The following CLYBL variants were observed in gnomAD, a reference collection of about 807,000 sequenced individuals.
The protein encoded by CLYBL is citramalyl-CoA lyase, mitochondrial.
In CLYBL, 31 loss-of-function variants were observed where a neutral mutation model predicts 38.9. The observed-to-expected ratio is 0.80, with a 90% CI of 0.60 to 1.08. The LOEUF is 1.08. Among genes scored for constraint, CLYBL ranks in the 50% least tolerant of loss-of-function variants. The pLI, the probability that CLYBL is intolerant of heterozygous loss-of-function variation, is 0.00. For synonymous variants in CLYBL, 171 were observed against 158.6 expected, an observed-to-expected ratio of 1.08 and a Z score of -0.59; for missense variants, 434 against 411.6, an observed-to-expected ratio of 1.05 and a Z score of -0.47.
At chr13:99,665,660 G>A (rs1196042077) in intron 1 of CLYBL, among the ~76,000 whole-genome samples, 4 of 151,728 alleles carry the variant, frequency 2.6e-5, no homozygotes, top group African/African-American at 9.7e-5. Context: ...GAATTTCACT[G>A]GAGACACTCT....
Position 99,847,407 on chromosome 13 carries a change from A to G in CLYBL, c.250-11454A>G, listed in dbSNP as rs146957993. 5.8e-3 allele frequency among the ~76,000 whole-genome samples: 880 copies of G among 152,300 alleles called. 10 individuals are homozygous for G. The highest frequency in any genetic ancestry group is 0.02 in the African/African-American group (828 of 41,560). On this transcript the variant is annotated intron_variant, in intron 2 of 8. Transcript: ENST00000339105. ...GACCCAGCAGGAGGCTTTTAAACCA[A>G]AACAGTTAATTACCTCCTCTAACCC...
chr13:99,638,346 C>T (rs1017633135), intron 1 of CLYBL, among the ~76,000 whole-genome samples: 1 of 152,224 alleles, frequency 6.6e-6, no homozygotes, highest in Non-Finnish European at 1.5e-5. Context: ...TTTACTAATT[C>T]AGATGGGCTT....
chr13:99,762,406 C>G (rs1210473608), intron 1 of CLYBL, among the ~76,000 whole-genome samples: 1 of 152,160 alleles, frequency 6.6e-6, no homozygotes, highest in Admixed American at 6.5e-5. Context: ...TTTCCCAGCA[C>G]CACTGAAGAG....
At chr13:99,657,090 A>G (rs899228943) in intron 1 of CLYBL, among the ~76,000 whole-genome samples, 5 of 152,238 alleles carry the variant, frequency 3.3e-5, no homozygotes, top group Admixed American at 6.5e-5. Flanking sequence ...CTGATGGTAC[A>G]TGCAGACGTG....
chr13:99,728,579 T>TC, intron 1 of CLYBL, among the ~76,000 whole-genome samples: 1 of 151,888 alleles, frequency 6.6e-6, no homozygotes, highest in East Asian at 1.9e-4. Flanking sequence ...TCTTTTTTTT[T>TC]TTTTCTTTTT....
At position 99,643,746 on chromosome 13, in the gene CLYBL, G is replaced by A. The variant is rs1210401548; in HGVS notation, c.62+36989G>A. On this transcript the variant is annotated intron_variant, in intron 1 of 8. Coordinates refer to ENST00000339105, the MANE Select transcript of CLYBL (RefSeq NM_206808.5). ...CCATAGGCCCGGCGCAGTGGCTCAC[G>A]CCTGTAATCCCAGCACTTTGGGAGG... Among the ~76,000 whole-genome samples the A allele has an allele frequency of 3.3e-5, 5 of 152,232 alleles. No homozygotes were observed. In the East Asian group the frequency reaches 7.7e-4, roughly 23 times the overall value.
At chr13:99,611,783 A>G (rs1417643541) in intron 1 of CLYBL, among the ~76,000 whole-genome samples, 1 of 152,238 alleles carries the variant, frequency 6.6e-6, no homozygotes. Context: ...TTTAATAGAC[A>G]TATTGCCATT....
chr13:99,897,329 C>T (rs1391374748), downstream of CLYBL, among the ~76,000 whole-genome samples: 2 of 152,200 alleles, frequency 1.3e-5, no homozygotes, highest in African/African-American at 2.4e-5. Context: ...TGGCCCCATT[C>T]CCCCTTTGCT....
intron 2 of CLYBL, among the ~76,000 whole-genome samples, chr13:99,799,963 C>A (rs1427573432): frequency 2.6e-5 from 4 of 152,188 alleles, no homozygotes; most frequent in Non-Finnish European, 5.9e-5. Context: ...GGCCTTCCTC[C>A]ACAGAGCGCT....
intron 1 of CLYBL, among the ~76,000 whole-genome samples, chr13:99,667,839 G>C (rs1279398858): frequency 1.3e-5 from 2 of 152,182 alleles, no homozygotes; most frequent in East Asian, 3.8e-4. Flanking sequence ...CAAATGGTCT[G>C]TTTTGGAACA....
At position 99,636,006 on chromosome 13, in the gene CLYBL, T is replaced by C. The variant is rs911827839; in HGVS notation, c.62+29249T>C. Among the ~76,000 whole-genome samples, 3 of 152,330 alleles carry C rather than the reference T, an allele frequency of 2.0e-5. No homozygotes were observed. In the East Asian group the frequency reaches 5.8e-4, roughly 29 times the overall value. On this transcript the variant is annotated intron_variant, in intron 1 of 8. Coordinates refer to ENST00000339105, the MANE Select transcript of CLYBL (RefSeq NM_206808.5). ...CTCTCCCATTAGACTATACATTCTTTGAGACCAGCAGTGCTTAATGTTTGT... is the reference window on the plus strand; with the variant it reads ...CTCTCCCATTAGACTATACATTCTTCGAGACCAGCAGTGCTTAATGTTTGT...
At chr13:99,800,788 C>T (rs1343628222) in intron 2 of CLYBL, among the ~76,000 whole-genome samples, 3 of 151,696 alleles carry the variant, frequency 2.0e-5, no homozygotes, top group East Asian at 1.9e-4. Context: ...GCAGGAGAAT[C>T]GCGTGAGCCC....
intron 1 of CLYBL, among the ~76,000 whole-genome samples, chr13:99,762,452 T>G (rs1306881012): frequency 6.6e-6 from 1 of 152,240 alleles, no homozygotes; most frequent in Non-Finnish European, 1.5e-5. Context: ...GTGGAGACTT[T>G]GTCAAAGATG....
intron 2 of CLYBL, among the ~76,000 whole-genome samples, chr13:99,774,516 C>T (rs997366372): frequency 7.2e-5 from 11 of 152,030 alleles, no homozygotes; most frequent in Admixed American, 2.0e-4. Context: ...GGTCGTGGGG[C>T]GGGGGATGAG....
chr13:99,613,235 T>TA (rs1462764350), intron 1 of CLYBL, among the ~76,000 whole-genome samples: 1 of 152,136 alleles, frequency 6.6e-6, no homozygotes, highest in Non-Finnish European at 1.5e-5. Flanking sequence ...TGTTCAGTGG[T>TA]AGCAGCCAAG....
intron 1 of CLYBL, among the ~76,000 whole-genome samples, chr13:99,674,696 C>A (rs962984928): frequency 6.6e-6 from 1 of 151,844 alleles, no homozygotes; most frequent in African/African-American, 2.4e-5. Flanking sequence ...TTAAGGGATG[C>A]GTAAGAAGAA....
chr13:99,705,911 T>C lies in CLYBL; in HGVS notation c.63-66913T>C, dbSNP rs561158822. On this transcript the variant is annotated intron_variant, in intron 1 of 8. Transcript: ENST00000339105. ...AATGCTAAATTGTATGTTATGTATATTTTGCCCCAATTTTTTTTTTTGTTT... is the reference window on the plus strand; with the variant it reads ...AATGCTAAATTGTATGTTATGTATACTTTGCCCCAATTTTTTTTTTTGTTT... Among the ~76,000 whole-genome samples the C allele has an allele frequency of 3.9e-5, 6 of 151,938 alleles. No homozygotes were observed. In the East Asian group the frequency reaches 1.2e-3, roughly 29 times the overall value.
chr13:99,819,465 T>TATATATATATATATATATATAA (rs1366110606), intron 2 of CLYBL, among the ~76,000 whole-genome samples: 4 of 58,754 alleles, frequency 6.8e-5, no homozygotes, highest in East Asian at 1.1e-3. Context: ...TATATATATA[T>TATATATATATATATATATATAA]ATAATATTTG....
intron 7 of CLYBL, among the ~76,000 whole-genome samples, chr13:99,874,941 C>T (rs2057490): frequency 0.75 from 114,208 of 152,128 alleles, 44,415 homozygotes; most frequent in Non-Finnish European, 0.84. Context: ...TAAAGATACT[C>T]TGCTAGAATA....
Sources: allele counts gnomAD v4.1 joint callset (sites outside exome capture counted in the v4.1 genomes callset), GRCh38; gene constraint gnomAD v4.1.1; transcripts MANE v1.5; gene names NCBI Gene and HGNC (gene_info 2026-07-23, HGNC 2026-07-21).